PCDHGA12: variants seen among roughly 807,000 people sequenced by gnomAD.
The protein encoded by PCDHGA12 is protocadherin gamma-A12.
PCDHGA12 carries 43 observed loss-of-function variants against 61.1 expected under a neutral mutation model. The observed-to-expected ratio is 0.70, with a 90% CI of 0.55 to 0.91. The LOEUF is 0.91. PCDHGA12 is among the 40% of genes least tolerant of loss of function. The pLI is 0.00. For missense variants in PCDHGA12, 1,236 were observed against 1,227.7 expected (o/e 1.01, Z -0.10); for synonymous variants, 520 against 542.9 (o/e 0.96, Z 0.59).
chr5:141,474,962 A>G (rs954703806), intron 1 of PCDHGA12, among the ~76,000 whole-genome samples: 3 of 152,256 alleles, frequency 2.0e-5, no homozygotes, highest in Non-Finnish European at 4.4e-5. Flanking sequence ...CACTATCCTA[A>G]TCATTATAAT....
In PCDHGA12 at chr5:141,431,627, C is replaced by T. The variant is rs769351473; in HGVS notation, c.868C>T (p.Gln290Ter). 2.5e-6 allele frequency: 4 copies of T among 1,614,076 alleles called. No homozygotes were observed. The South Asian group carries it at 4.4e-5, about 18-fold the overall frequency. Residue 290 changes from glutamine to a stop codon, truncating the protein, a stop_gained, in exon 1 of 4, where the codon CAA (glutamine) becomes TAA (stop). Coordinates refer to ENST00000252085, the MANE Select transcript of PCDHGA12 (RefSeq NM_003735.3). LOFTEE classifies it high-confidence loss of function. The surrounding 1 kb of genome is among the most constrained non-coding windows in gnomAD (Gnocchi z 4.8). Reference sequence around the variant, plus strand: ...CCGGTATGTGGACGACAAGGCGGCCCAAGTTTTCAAACTAGATTGTAATTC... The same window carrying T: ...CCGGTATGTGGACGACAAGGCGGCCTAAGTTTTCAAACTAGATTGTAATTC... ...SFRYVDDKAA[Q>*]VFKLDCNSGT...
At chr5:141,457,111 G>T (rs922281700) in intron 1 of PCDHGA12, among the ~76,000 whole-genome samples, 1 of 152,120 alleles carries the variant, frequency 6.6e-6, no homozygotes, top group African/African-American at 2.4e-5. Context: ...AGCAAAATAC[G>T]ACAGCAATGG....
chr5:141,461,323 T>C (rs2099013372), intron 1 of PCDHGA12, among the ~76,000 whole-genome samples: 1 of 152,176 alleles, frequency 6.6e-6, no homozygotes, highest in African/African-American at 2.4e-5. Context: ...TTTTTAATAA[T>C]GGCCATTCTT....
chr5:141,488,837 C>A (rs550655328), intron 1 of PCDHGA12, among the ~76,000 whole-genome samples: 1 of 152,280 alleles, frequency 6.6e-6, no homozygotes, highest in African/African-American at 2.4e-5. Context: ...GCCAAGGGGG[C>A]TGAATCAACC....
At chr5:141,505,238 G>A (rs1254100882) in intron 2 of PCDHGA12, 155 bp from the exon 3 acceptor site, 2 of 890,422 alleles carry the variant, frequency 2.2e-6, no homozygotes, top group South Asian at 5.2e-5. Context: ...GGCTTCTGAA[G>A]GATTGTAGAA....
At chr5:141,480,948 G>C (rs1288557779) in intron 1 of PCDHGA12, among the ~76,000 whole-genome samples, 1 of 152,138 alleles carries the variant, frequency 6.6e-6, no homozygotes, top group Non-Finnish European at 1.5e-5. Context: ...TAGAGGCTGA[G>C]GCGGAAGCAT....
rs2099624335 is a variant in PCDHGA12 at position 141,486,093 on chromosome 5, C to T, written c.2425-8714C>T. On this transcript the variant is annotated intron_variant, in intron 1 of 3. Coordinates refer to ENST00000252085, the MANE Select transcript of PCDHGA12 (RefSeq NM_003735.3). This position sits in a 1 kb window ranked among gnomAD's most constrained non-coding sequence, Gnocchi z 5.0. ...ACTGGAAAGCTTACTCTTTTGGGGC[C>T]CCTAGACTTTGAGAGTGAGAATTAC... 1 of 1,614,112 alleles carries T rather than the reference C, an allele frequency of 6.2e-7. No homozygotes were observed. The highest frequency in any genetic ancestry group is 8.5e-7 in the Non-Finnish European group (1 of 1,180,008).
intron 1 of PCDHGA12, among the ~76,000 whole-genome samples, chr5:141,492,920 G>A (rs2099745093): frequency 6.6e-6 from 1 of 152,198 alleles, no homozygotes; most frequent in African/African-American, 2.4e-5. Context: ...TGTGCCCAGC[G>A]ATCTAGGGTC....
intron 1 of PCDHGA12, 78 bp from the exon 2 acceptor site, chr5:141,494,729 C>CG: frequency 6.2e-7 from 1 of 1,610,168 alleles, no homozygotes; most frequent in South Asian, 1.1e-5. Context: ...CCTTCTCTCC[C>CG]GGCCCATCCC....
rs907427230 is a variant in PCDHGA12, at chr5:141,489,936, G to A, written c.2425-4871G>A. 4 of 1,614,096 alleles carry A rather than the reference G, an allele frequency of 2.5e-6. No homozygotes were observed. In the African/African-American group the frequency reaches 5.3e-5, roughly 22 times the overall value. ...GGACCACCCTTATCTCTGTCATCGT[G>A]CTGGACATCAATGATAATGCTCCAA... is the stretch of plus-strand genomic sequence containing the variant. On this transcript the variant is annotated intron_variant, in intron 1 of 3. Coordinates refer to ENST00000252085, the MANE Select transcript of PCDHGA12 (RefSeq NM_003735.3). This position sits in a 1 kb window ranked among gnomAD's most constrained non-coding sequence, Gnocchi z 4.5.
Position 141,436,345 on chromosome 5 carries a change from G to A in PCDHGA12, c.2424+3162G>A, listed in dbSNP as rs930858667. 5.9e-4 allele frequency among the ~76,000 whole-genome samples: 90 copies of A among 152,212 alleles called. 1 individual carries two copies. Among genetic ancestry groups the A allele is most frequent in the African/African-American group, 1.7e-3 (69 of 41,540 alleles). ...GTTAGACCATATCTCAAATATCAGT[G>A]ACTTCAATCAACTATGTTTCCAGTT... On this transcript the variant is annotated intron_variant, in intron 1 of 3. Coordinates refer to ENST00000252085, the MANE Select transcript of PCDHGA12 (RefSeq NM_003735.3).
intron 1 of PCDHGA12, among the ~76,000 whole-genome samples, chr5:141,456,306 G>A (rs937409031): frequency 4.6e-5 from 7 of 152,158 alleles, no homozygotes; most frequent in Admixed American, 2.6e-4. Context: ...GAGAACAGCA[G>A]CTAGGGCTCC....
chr5:141,449,147 G>T (rs2098630156), intron 1 of PCDHGA12, among the ~76,000 whole-genome samples: 1 of 152,110 alleles, frequency 6.6e-6, no homozygotes, highest in African/African-American at 2.4e-5. Flanking sequence ...AAATTGCTGG[G>T]TCAAAGAGGA....
Position 141,485,778 on chromosome 5 carries a change from G to T in PCDHGA12, c.2425-9029G>T. The T allele has an allele frequency of 6.2e-7, 1 of 1,614,216 alleles. No individual in the cohort carries two copies. Among genetic ancestry groups the T allele is most frequent in the Admixed American group, 1.7e-5 (1 of 60,028 alleles). ...CTGCTCCTGGAGAAGCCTTTGGATC[G>T]AGAGAAGCAATCGGACTACCGCCTG... is the stretch of plus-strand genomic sequence containing the variant. On this transcript the variant is annotated intron_variant, in intron 1 of 3. Coordinates refer to ENST00000252085, the MANE Select transcript of PCDHGA12 (RefSeq NM_003735.3). The surrounding 1 kb of genome is among the most constrained non-coding windows in gnomAD (Gnocchi z 5.7).
At chr5:141,497,665 G>A (rs1011161465) in intron 2 of PCDHGA12, among the ~76,000 whole-genome samples, 3 of 151,348 alleles carry the variant, frequency 2.0e-5, no homozygotes, top group South Asian at 2.1e-4. Flanking sequence ...TCAGCCTCCC[G>A]AGTAGCTGGG....
chr5:141,469,005 G>A (rs1011079995), intron 1 of PCDHGA12, among the ~76,000 whole-genome samples: 7 of 151,814 alleles, frequency 4.6e-5, no homozygotes, highest in South Asian at 2.1e-4. Context: ...TGCTGGGTGC[G>A]GTGGGTCACT....
chr5:141,478,210 A>G, intron 1 of PCDHGA12: 1 of 1,614,064 alleles, frequency 6.2e-7, no homozygotes, highest in East Asian at 2.2e-5. Flanking sequence ...TTCTTTCTCT[A>G]ATCCTGGTTT....
intron 1 of PCDHGA12, among the ~76,000 whole-genome samples, chr5:141,464,935 T>A (rs1157718693): frequency 6.6e-6 from 1 of 151,882 alleles, no homozygotes; most frequent in African/African-American, 2.4e-5. Flanking sequence ...AGATGTGAGG[T>A]CTCACTATGT....
intron 1 of PCDHGA12, among the ~76,000 whole-genome samples, chr5:141,470,483 G>T (rs1163257164): frequency 6.6e-6 from 1 of 152,112 alleles, no homozygotes; most frequent in African/African-American, 2.4e-5. Context: ...CTAACCCTCT[G>T]GGAATAATAT....
Sources: gnomAD v4.1 joint callset for allele counts (sites outside exome capture counted in the v4.1 genomes callset) on GRCh38, gnomAD v4.1.1 for gene constraint, Gnocchi (gnomAD v3.1) non-coding constraint, MANE v1.5 for transcripts, NCBI Gene and HGNC (gene_info 2026-07-23, HGNC 2026-07-21) for gene names.